MAP6: variants seen among roughly 807,000 people sequenced by gnomAD.
MAP6 encodes microtubule associated protein 6.
MAP6 carries 26 observed loss-of-function variants against 42.4 expected under a neutral mutation model. The ratio of observed to expected loss-of-function variants is 0.61; its 90% CI spans 0.45 to 0.85. The LOEUF (loss-of-function observed/expected upper bound fraction) is 0.85. Among genes scored for constraint, MAP6 ranks in the 40% least tolerant of loss-of-function variants. The pLI is 0.00. For missense variants in MAP6, 966 were observed against 1,099.0 expected, an observed-to-expected ratio of 0.88 and a Z score of 1.71; for synonymous variants, 418 against 443.8, an observed-to-expected ratio of 0.94 and a Z score of 0.73.
chr11:75,655,244 C>G (rs1281630855), intron 1 of MAP6, among the ~76,000 whole-genome samples: 1 of 152,184 alleles, frequency 6.6e-6, no homozygotes, highest in Non-Finnish European at 1.5e-5. Context: ...TAAATCCAAC[C>G]TAATTCCCTG....
intron 1 of MAP6, among the ~76,000 whole-genome samples, chr11:75,614,140 C>G (rs1199912065): frequency 6.6e-6 from 1 of 151,142 alleles, no homozygotes; most frequent in African/African-American, 2.4e-5. Context: ...TTCTTCCCTT[C>G]CAGACTGTGC....
At chr11:75,620,510 A>G (rs1943088770) in intron 1 of MAP6, among the ~76,000 whole-genome samples, 1 of 151,868 alleles carries the variant, frequency 6.6e-6, no homozygotes, top group East Asian at 1.9e-4. Flanking sequence ...AAAGAAAGAA[A>G]AAAGAAAATA....
Position 75,668,201 on chromosome 11 carries a change from G to C in MAP6, c.169C>G (p.Leu57Val). ...PPPQQQAQPA[L>V]APPSARAVAI... Reference sequence around the variant, plus strand: ...ACCGCGCGCGCCGAGGGGGGCGCGAGCGCCGGCTGCGCCTGCTGCTGCGGC... The same window carrying C: ...ACCGCGCGCGCCGAGGGGGGCGCGACCGCCGGCTGCGCCTGCTGCTGCGGC... The change falls in exon 1 of 4, where the codon CTC (leucine) becomes GTC (valine). Residue 57 changes from leucine to valine, a missense_variant. This residue lies in a region of MAP6 where 943 missense variants were observed against 1,049.9 expected (regional missense o/e 0.90). Coordinates refer to ENST00000304771, the MANE Select transcript of MAP6 (RefSeq NM_033063.2). 7.9e-7 allele frequency: 1 copy of C among 1,262,428 alleles called. No individual in the cohort carries two copies. Among genetic ancestry groups the C allele is most frequent in the Non-Finnish European group, 9.9e-7 (1 of 1,012,194 alleles). 78.2% of individuals were successfully genotyped at this position (1,262,428 alleles called of 1,614,324 possible).
At chr11:75,642,101 C>T (rs1943480027) in intron 1 of MAP6, among the ~76,000 whole-genome samples, 1 of 152,226 alleles carries the variant, frequency 6.6e-6, no homozygotes, top group Non-Finnish European at 1.5e-5. Flanking sequence ...AGCACATTTA[C>T]TATTAGCTAC....
chr11:75,597,753 C>G (rs142835872), intron 3 of MAP6, among the ~76,000 whole-genome samples: 70 of 152,294 alleles, frequency 4.6e-4, no homozygotes, highest in African/African-American at 1.6e-3. Flanking sequence ...TCTGCACCAG[C>G]TGATTTATAG....
At chr11:75,623,830 A>G (rs1943152938) in intron 1 of MAP6, among the ~76,000 whole-genome samples, 1 of 152,154 alleles carries the variant, frequency 6.6e-6, no homozygotes, top group Non-Finnish European at 1.5e-5. Flanking sequence ...CCATGATGAA[A>G]GTGGCATGAA....
intron 1 of MAP6, among the ~76,000 whole-genome samples, chr11:75,615,612 ATTG>A (rs1350057154): frequency 6.6e-6 from 1 of 152,152 alleles, no homozygotes; most frequent in African/African-American, 2.4e-5. Flanking sequence ...TGTGATAGCT[ATTG>A]TTATACTTCT....
At chr11:75,616,753 G>A (rs938726975) in intron 1 of MAP6, among the ~76,000 whole-genome samples, 8 of 152,182 alleles carry the variant, frequency 5.3e-5, no homozygotes, top group Admixed American at 2.0e-4. Context: ...ATGCTTGTGC[G>A]CAGCTCTCAG....
chr11:75,615,813 G>A (rs1565262656), intron 1 of MAP6, among the ~76,000 whole-genome samples: 1 of 152,232 alleles, frequency 6.6e-6, no homozygotes. Context: ...TTAAGACCTT[G>A]TTCCACTTAA....
At chr11:75,642,785 T>C in intron 1 of MAP6, 1 of 399,012 alleles carries the variant, frequency 2.5e-6, no homozygotes, top group South Asian at 2.0e-5. Context: ...CTACTGCAAC[T>C]AGTCGAATGA....
intron 1 of MAP6, among the ~76,000 whole-genome samples, chr11:75,650,756 G>C (rs1048096856): frequency 6.6e-6 from 1 of 152,144 alleles, no homozygotes; most frequent in Non-Finnish European, 1.5e-5. Flanking sequence ...CTTTACCAAG[G>C]TCACAGAAAT....
intron 1 of MAP6, among the ~76,000 whole-genome samples, chr11:75,641,805 C>T (rs1008236673): frequency 6.6e-6 from 1 of 152,198 alleles, no homozygotes; most frequent in Non-Finnish European, 1.5e-5. Context: ...GCCTGAGATG[C>T]CACGCTCTAC....
intron 3 of MAP6, among the ~76,000 whole-genome samples, chr11:75,591,928 T>C (rs889364361): frequency 2.0e-5 from 3 of 152,214 alleles, no homozygotes; most frequent in African/African-American, 7.2e-5. Flanking sequence ...ATTTTCAGAG[T>C]GCTTGGATAG....
intron 3 of MAP6, among the ~76,000 whole-genome samples, chr11:75,596,814 T>TGG (rs1942585803): frequency 2.1e-4 from 31 of 149,760 alleles, no homozygotes; most frequent in East Asian, 5.9e-4. Context: ...CAAACTCAGC[T>TGG]TCTCTGACCT....
intron 3 of MAP6, among the ~76,000 whole-genome samples, chr11:75,592,572 C>CCCTT (rs1302625703): frequency 6.6e-6 from 1 of 152,032 alleles, no homozygotes; most frequent in Non-Finnish European, 1.5e-5. Flanking sequence ...TTCCCTCCCT[C>CCCTT]CCTTCCCCTA....
rs534224001 is a variant in MAP6 at position 75,611,250 on chromosome 11, G to A, written c.906-2928C>T. On this transcript the variant is annotated intron_variant, in intron 1 of 3. Transcript: ENST00000304771. Reference sequence around the variant, plus strand: ...ACAACCTGGCTCCCAGACACATGATGGCAGAAACTTGGATTCTCTGTCGCA... The same window carrying A: ...ACAACCTGGCTCCCAGACACATGATAGCAGAAACTTGGATTCTCTGTCGCA... Among the ~76,000 whole-genome samples, 4 of 152,348 alleles carry A rather than the reference G, an allele frequency of 2.6e-5. No homozygotes were observed. In the South Asian group the frequency reaches 8.3e-4, roughly 32 times the overall value.
At chr11:75,624,089 T>C (rs1251575847) in intron 1 of MAP6, among the ~76,000 whole-genome samples, 2 of 152,188 alleles carry the variant, frequency 1.3e-5, no homozygotes, top group Admixed American at 6.5e-5. Flanking sequence ...CTTCGATATC[T>C]CTCTTTCTTT....
intron 3 of MAP6, among the ~76,000 whole-genome samples, chr11:75,599,808 A>G (rs1376301699): frequency 6.6e-6 from 1 of 152,226 alleles, no homozygotes; most frequent in Non-Finnish European, 1.5e-5. Context: ...CCTGGATTCC[A>G]GTGCTTTCTC....
intron 1 of MAP6, among the ~76,000 whole-genome samples, chr11:75,623,719 GT>G (rs963934565): frequency 6.6e-6 from 1 of 151,978 alleles, no homozygotes. Context: ...TTTGTCTTAC[GT>G]TTTTTTTGAG....
Sources: allele counts gnomAD v4.1 joint callset (sites outside exome capture counted in the v4.1 genomes callset), GRCh38; gene constraint gnomAD v4.1.1; regional missense constraint gnomAD v4.1.1; transcripts MANE v1.5; gene names NCBI Gene and HGNC (gene_info 2026-07-23, HGNC 2026-07-21).